ZNF385D: variants seen among roughly 807,000 people sequenced by gnomAD.
The protein encoded by ZNF385D is zinc finger protein 659.
A neutral mutation model predicts 35.8 loss-of-function variants in ZNF385D; 15 were observed. The ratio of observed to expected loss-of-function variants is 0.42; its 90% confidence interval spans 0.28 to 0.64. The LOEUF is 0.64. ZNF385D is among the 30% of genes least tolerant of loss of function. ZNF385D has a pLI of 0.23. For synonymous variants in ZNF385D, 212 were observed against 186.8 expected (o/e 1.13, Z -1.10); for missense variants, 474 against 494.6 (o/e 0.96, Z 0.39).
At chr3:21,919,455 A>T (rs1328093431) in intron 3 of ZNF385D, among the ~76,000 whole-genome samples, 1 of 152,194 alleles carries the variant, frequency 6.6e-6, no homozygotes, top group Non-Finnish European at 1.5e-5. Context: ...TGCACTTAAG[A>T]CCCGTGTATT....
intron 3 of ZNF385D, among the ~76,000 whole-genome samples, chr3:22,034,903 G>C (rs1698219808): frequency 6.6e-6 from 1 of 152,056 alleles, no homozygotes. Context: ...GAGATATGTT[G>C]AATTTATCTT....
chr3:21,747,535 G>A (rs1022755595), intron 1 of ZNF385D, among the ~76,000 whole-genome samples: 4 of 152,194 alleles, frequency 2.6e-5, no homozygotes, highest in Non-Finnish European at 5.9e-5. Flanking sequence ...GGGAATCTGT[G>A]TGGTTGACAT....
intron 3 of ZNF385D, among the ~76,000 whole-genome samples, chr3:21,855,286 C>T (rs886466681): frequency 3.7e-4 from 56 of 152,078 alleles, no homozygotes; most frequent in African/African-American, 7.5e-4. Context: ...TTTTACTCTT[C>T]GGCATCCCAA....
chr3:22,133,621 T>A (rs1703933029), intron 3 of ZNF385D: 1 of 151,906 alleles, frequency 6.6e-6, no homozygotes, highest in South Asian at 2.1e-4. Context: ...CTTAGAGGAC[T>A]GGGGGGAGAT....
intron 3 of ZNF385D, among the ~76,000 whole-genome samples, chr3:21,837,238 C>T (rs941149381): frequency 6.6e-6 from 1 of 152,126 alleles, no homozygotes; most frequent in African/African-American, 2.4e-5. Flanking sequence ...TGACTTCTTT[C>T]AGTCATCAGT....
Position 22,016,106 on chromosome 3 carries a change from G to T in ZNF385D, c.325+152711C>A, listed in dbSNP as rs1015226834. Among the ~76,000 whole-genome samples, 6 of 152,096 alleles carry T rather than the reference G, an allele frequency of 3.9e-5. 1 individual carries two copies. Among genetic ancestry groups the T allele is most frequent in the African/African-American group, 1.4e-4 (6 of 41,424 alleles). ...CTTGCTACTTGTTAGAGTGCTCATA[G>T]ATTTTCAATTTAGTCTATAAAACAG... On this transcript the variant is annotated intron_variant, in intron 3 of 5. Coordinates refer to the ZNF385D transcript ENST00000494108.
intron 3 of ZNF385D, among the ~76,000 whole-genome samples, chr3:21,912,889 A>C (rs1410304122): frequency 6.6e-6 from 1 of 152,062 alleles, no homozygotes; most frequent in Non-Finnish European, 1.5e-5. Context: ...CATACAGAAC[A>C]TTCTTAAACT....
chr3:21,832,731 T>A (rs1695078587), intron 3 of ZNF385D, among the ~76,000 whole-genome samples: 1 of 152,192 alleles, frequency 6.6e-6, no homozygotes, highest in African/African-American at 2.4e-5. Flanking sequence ...TGTCACTGTT[T>A]CACAAGTGTG....
At chr3:22,061,769 C>A (rs181400150) in intron 3 of ZNF385D, among the ~76,000 whole-genome samples, 4 of 152,300 alleles carry the variant, frequency 2.6e-5, no homozygotes, top group Admixed American at 1.3e-4. Context: ...CCTCTGTACA[C>A]ACACACTCCA....
Position 22,321,027 on chromosome 3 carries a change from A to G in ZNF385D, c.106+51423T>C, listed in dbSNP as rs1280116955. Among the ~76,000 whole-genome samples the G allele has an allele frequency of 2.6e-5, 4 of 151,968 alleles. No homozygotes were observed. The East Asian group carries it at 7.7e-4, about 29-fold the overall frequency. On this transcript the variant is annotated intron_variant, in intron 2 of 5. Transcript: ENST00000494108. ...AAAACATAATAAATCCTGTTATATGATTTGATACATGCAAGCTCCTAATTT... is the reference window on the plus strand; with the variant it reads ...AAAACATAATAAATCCTGTTATATGGTTTGATACATGCAAGCTCCTAATTT...
chr3:21,938,403 G>A (rs551172513), intron 3 of ZNF385D, among the ~76,000 whole-genome samples: 6 of 152,092 alleles, frequency 3.9e-5, no homozygotes, highest in Non-Finnish European at 7.4e-5. Flanking sequence ...GTGCTGAGGC[G>A]GGCAGAGATT....
intron 2 of ZNF385D, among the ~76,000 whole-genome samples, chr3:22,205,025 T>C (rs1697057201): frequency 1.4e-5 from 2 of 139,982 alleles, no homozygotes; most frequent in Admixed American, 7.1e-5. Flanking sequence ...AAGAAGGTTA[T>C]AGAACACCAA....
chr3:22,225,315 C>G (rs1362499654), intron 2 of ZNF385D, among the ~76,000 whole-genome samples: 1 of 152,082 alleles, frequency 6.6e-6, no homozygotes, highest in African/African-American at 2.4e-5. Context: ...GCCTGAGGTC[C>G]ATTTGTCAGG....
chr3:22,180,726 A>C (rs558646482), intron 2 of ZNF385D, among the ~76,000 whole-genome samples: 1 of 152,230 alleles, frequency 6.6e-6, no homozygotes, highest in South Asian at 2.1e-4. Context: ...CCTTTGACAA[A>C]ATTCAACAAC....
chr3:22,315,886 T>C (rs917657503), intron 2 of ZNF385D, among the ~76,000 whole-genome samples: 1 of 152,152 alleles, frequency 6.6e-6, no homozygotes, highest in African/African-American at 2.4e-5. Flanking sequence ...GCCACAAGAT[T>C]AGGATTATAG....
intron 3 of ZNF385D, among the ~76,000 whole-genome samples, chr3:22,005,800 G>GA (rs370355256): frequency 1.2e-3 from 187 of 152,108 alleles, no homozygotes; most frequent in African/African-American, 4.1e-3. Flanking sequence ...TTATTTTACT[G>GA]AAAATCCTCA....
intron 1 of ZNF385D, among the ~76,000 whole-genome samples, chr3:21,738,503 G>A (rs556461085): frequency 2.0e-5 from 3 of 152,302 alleles, no homozygotes; most frequent in East Asian, 3.9e-4. Flanking sequence ...TTATTAGTAA[G>A]TTACACCTCT....
intron 3 of ZNF385D, among the ~76,000 whole-genome samples, chr3:21,967,615 T>C (rs1209975274): frequency 6.6e-6 from 1 of 152,190 alleles, no homozygotes; most frequent in Non-Finnish European, 1.5e-5. Flanking sequence ...TACTGATTTT[T>C]GACATATGCC....
intron 5 of ZNF385D, among the ~76,000 whole-genome samples, chr3:21,434,952 C>T (rs1345742617): frequency 1.3e-5 from 2 of 152,118 alleles, no homozygotes; most frequent in South Asian, 2.1e-4. Context: ...ATTTCACCTC[C>T]TTAAACTCTT....
Sources: allele counts gnomAD v4.1 joint callset (sites outside exome capture counted in the v4.1 genomes callset), GRCh38; gene constraint gnomAD v4.1.1; transcripts MANE v1.5; gene names NCBI Gene and HGNC (gene_info 2026-07-23, HGNC 2026-07-21).